ZNF697: variants seen among roughly 807,000 people sequenced by gnomAD.
ZNF697 encodes the protein zinc finger protein 697.
A neutral mutation model predicts 32.4 loss-of-function variants in ZNF697; 23 were observed. That is an observed-to-expected ratio of 0.71 (90% CI 0.51 to 1.01). The LOEUF (loss-of-function observed/expected upper bound fraction) is 1.01. Ranked by LOEUF, ZNF697 falls within the 50% of genes least tolerant of loss-of-function variation. The pLI is 0.00. For synonymous variants in ZNF697, 418 were observed against 337.2 expected (o/e 1.24, Z -2.62); for missense variants, 930 against 794.0 (o/e 1.17, Z -2.06).
chr1:119,623,806 G>C lies in ZNF697; in HGVS notation c.537C>G (p.Ser179Arg). The change falls in exon 3 of 3, where the codon AGC becomes AGG. Residue 179 changes from serine (S) to arginine (R), a missense_variant. Transcript: ENST00000421812. ...PMAVDLGELD[S>R]LVASIMDAPT... The stretch of plus-strand genomic sequence containing the variant: ...GCGCGTCCATGATGCTGGCCACCAG[G>C]CTATCCAGCTCCCCGAGGTCCACGG... 6.5e-7 allele frequency: 1 copy of C among 1,547,412 alleles called. No homozygotes were observed.
intron 1 of ZNF697, among the ~76,000 whole-genome samples, chr1:119,636,949 G>A (rs1253303069): frequency 6.6e-6 from 1 of 152,172 alleles, no homozygotes; most frequent in Non-Finnish European, 1.5e-5. Context: ...GCCTCTCTTG[G>A]ACGTATCTAA....
rs1302681495 is a variant in ZNF697, at chr1:119,647,998, C to G, written c.-345G>C. 6.6e-6 allele frequency among the ~76,000 whole-genome samples: 1 copy of G among 152,182 alleles called. No individual in the cohort carries two copies. Among genetic ancestry groups the G allele is most frequent in the Admixed American group, 6.5e-5 (1 of 15,294 alleles). On this transcript the variant is annotated 5_prime_UTR_variant, in exon 1 of 3. Transcript: ENST00000421812. ...CACTCGAACACACACCCCATCCCCG[C>G]AGCGGTCGGGTCTGGTCCCGATCAG... is the stretch of plus-strand genomic sequence containing the variant.
At position 119,624,120 on chromosome 1, in the gene ZNF697, C is replaced by A; in HGVS notation, c.227-4G>T. ...TCTTCCTCACTCAGCTGCCCCTCTG[C>A]AACAGAAAAAGGTGGCAGTGGGGGA... On this transcript the variant is annotated splice_region_variant and splice_polypyrimidine_tract_variant and intron_variant, in intron 2 of 2. Coordinates refer to ENST00000421812, the MANE Select transcript of ZNF697 (RefSeq NM_001080470.2). 6.5e-7 allele frequency: 1 copy of A among 1,549,648 alleles called. No individual in the cohort carries two copies. The highest frequency in any genetic ancestry group is 8.7e-7 in the Non-Finnish European group (1 of 1,145,880).
Position 119,623,288 on chromosome 1 carries a change from G to A in ZNF697, c.1055C>T (p.Pro352Leu), listed in dbSNP as rs905654126. 7 of 1,438,086 alleles carry A rather than the reference G, an allele frequency of 4.9e-6. No individual in the cohort carries two copies. The highest frequency in any genetic ancestry group is 6.4e-6 in the Non-Finnish European group (7 of 1,098,904). The allele number at this position is 1,438,086 out of a possible 1,614,324, so 89.1% of individuals were successfully genotyped here. A position where few individuals can be genotyped will look rare whatever the true frequency, so the allele number is the denominator to read the frequency against. Residue 352 changes from proline (P) to leucine (L), a missense_variant, in exon 3 of 3, where the codon CCC becomes CTC. Physicochemically the swap from Pro to Leu is moderately conservative, Grantham distance 98 (BLOSUM62 -3). Transcript: ENST00000421812. ...CTTGCCGCACTCCCCGCAGGCGAAG[G>A]GCCGCAGCGCCGCCGCCCCCGCGCC... ...ASGAGAAALR[P>L]FACGECGKGF...
Position 119,623,219 on chromosome 1 carries a change from T to TG in ZNF697, c.1123dup (p.His375ProfsTer60). 6.4e-7 allele frequency: 1 copy of TG among 1,572,340 alleles called. No homozygotes were observed. Among genetic ancestry groups the TG allele is most frequent in the Non-Finnish European group, 8.6e-7 (1 of 1,159,850 alleles). On this transcript the variant is annotated frameshift_variant, in exon 3 of 3. Transcript: ENST00000421812. LOFTEE classifies it high-confidence loss of function. ...ACAGCCGTGCGGCTTCTCGCCCGTG[T>TG]GGATGCGCTGGTGGTTGGCCAGGTG...
intron 1 of ZNF697, among the ~76,000 whole-genome samples, chr1:119,633,407 G>A (rs1318002405): frequency 6.6e-6 from 1 of 151,274 alleles, no homozygotes; most frequent in Non-Finnish European, 1.5e-5. Flanking sequence ...GAGAGAGAGA[G>A]AGAGAGAGAT....
rs1648262019 is a variant in ZNF697 at position 119,620,087 on chromosome 1, T to A, written c.*2618A>T. 1 of 152,578 alleles carries A rather than the reference T, an allele frequency of 6.6e-6. No individual in the cohort carries two copies. Among genetic ancestry groups the A allele is most frequent in the Admixed American group, 6.5e-5 (1 of 15,276 alleles). 9.5% of individuals were successfully genotyped at this position (152,578 alleles called of 1,614,324 possible). Reference sequence around the variant, plus strand: ...TTCCCTGAAGAATTGTAAGAAAAAATGGAATCACATTTTAAATGCACCAAT... The same window carrying A: ...TTCCCTGAAGAATTGTAAGAAAAAAAGGAATCACATTTTAAATGCACCAAT... On this transcript the variant is annotated 3_prime_UTR_variant, in exon 3 of 3. Coordinates refer to ENST00000421812, the MANE Select transcript of ZNF697 (RefSeq NM_001080470.2).
chr1:119,627,955 C>A lies in ZNF697; in HGVS notation c.-37-1818G>T, dbSNP rs116323370. ...GCTCAGACGCAATGGACAAATACAT[C>A]CCTTGAGTCTGCATATATAATACAC... On this transcript the variant is annotated intron_variant, in intron 1 of 2. Coordinates refer to ENST00000421812, the MANE Select transcript of ZNF697 (RefSeq NM_001080470.2). Among the ~76,000 whole-genome samples the A allele has an allele frequency of 4.0e-3, 610 of 151,874 alleles. 4 individuals carry two copies. Among genetic ancestry groups the A allele is most frequent in the African/African-American group, 0.013 (555 of 41,366 alleles).
At chr1:119,626,391 T>C (rs993406818) in intron 1 of ZNF697, among the ~76,000 whole-genome samples, 1 of 152,226 alleles carries the variant, frequency 6.6e-6, no homozygotes, top group African/African-American at 2.4e-5. Context: ...CTTCTGGCTA[T>C]GATATGGATG....
In ZNF697 at chr1:119,647,933, A is replaced by G. The variant is rs1649260136; in HGVS notation, c.-280T>C. Among the ~76,000 whole-genome samples, 1 of 152,164 alleles carries G rather than the reference A, an allele frequency of 6.6e-6. No homozygotes were observed. The highest frequency in any genetic ancestry group is 1.5e-5 in the Non-Finnish European group (1 of 68,014). On this transcript the variant is annotated 5_prime_UTR_variant, in exon 1 of 3. Coordinates refer to ENST00000421812, the MANE Select transcript of ZNF697 (RefSeq NM_001080470.2). Reference sequence around the variant, plus strand: ...GCCCCAGGGGAGCGGACAACGGTCCACTTTACGAGGCACAACTTCGCCCAG... The same window carrying G: ...GCCCCAGGGGAGCGGACAACGGTCCGCTTTACGAGGCACAACTTCGCCCAG...
chr1:119,639,715 C>CA (rs779242670), intron 1 of ZNF697, among the ~76,000 whole-genome samples: 34,339 of 110,292 alleles, frequency 0.31, 4,352 homozygotes, highest in South Asian at 0.36. Flanking sequence ...CCTGTCTCTC[C>CA]AAAAAAAAAA....
chr1:119,621,219 C>T lies in ZNF697; in HGVS notation c.*1486G>A, dbSNP rs1461792225. 1 of 152,176 alleles carries T rather than the reference C, an allele frequency of 6.6e-6. No homozygotes were observed. The highest frequency in any genetic ancestry group is 1.5e-5 in the Non-Finnish European group (1 of 68,018). The allele number at this position is 152,176 out of a possible 1,614,324, so 9.4% of individuals were successfully genotyped here. On this transcript the variant is annotated 3_prime_UTR_variant, in exon 3 of 3. Coordinates refer to ENST00000421812, the MANE Select transcript of ZNF697 (RefSeq NM_001080470.2). ...GTGTCCTTAATTTTATTATATAAAT[C>T]ATGACAAGTAAGTCTTCCTAGCAGC...
chr1:119,635,182 T>C (rs1648887301), intron 1 of ZNF697, among the ~76,000 whole-genome samples: 1 of 152,202 alleles, frequency 6.6e-6, no homozygotes, highest in South Asian at 2.1e-4. Flanking sequence ...TTTTGGGTTA[T>C]TTATGTTCAT....
chr1:119,638,015 G>A (rs1027332839), intron 1 of ZNF697, among the ~76,000 whole-genome samples: 11 of 152,090 alleles, frequency 7.2e-5, no homozygotes, highest in Non-Finnish European at 1.2e-4. Context: ...GGAAGACCAT[G>A]AAGCCTCAAT....
rs1183690483 is a variant in ZNF697, at chr1:119,620,513, G to C, written c.*2192C>G. The stretch of plus-strand genomic sequence containing the variant: ...ACCCACAAAGCAGTAAGATTACCTA[G>C]AAATTGGCTATATTATTTTCAGGTG... On this transcript the variant is annotated 3_prime_UTR_variant, in exon 3 of 3. Coordinates refer to ENST00000421812, the MANE Select transcript of ZNF697 (RefSeq NM_001080470.2). 2 of 152,614 alleles carry C rather than the reference G, an allele frequency of 1.3e-5. No individual in the cohort carries two copies. The highest frequency in any genetic ancestry group is 1.3e-4 in the Admixed American group (2 of 15,278). The allele number at this position is 152,614 out of a possible 1,614,324, so 9.5% of individuals were successfully genotyped here.
rs1648274429 is a variant in ZNF697, at chr1:119,620,417, G to T, written c.*2288C>A. On this transcript the variant is annotated 3_prime_UTR_variant, in exon 3 of 3. Transcript: ENST00000421812. ...TCAATCCATGAATAATCAAAAGTTG[G>T]ATGAGATTTCATAGGCACAGACTTG... 1 of 152,596 alleles carries T rather than the reference G, an allele frequency of 6.6e-6. No individual in the cohort carries two copies. The highest frequency in any genetic ancestry group is 2.4e-5 in the African/African-American group (1 of 41,428). 9.5% of individuals were successfully genotyped at this position (152,596 alleles called of 1,614,324 possible). A position where few individuals can be genotyped will look rare whatever the true frequency, so the allele number is the denominator to read the frequency against.
In ZNF697 at chr1:119,621,745, G is replaced by C. The variant is rs985414141; in HGVS notation, c.*960C>G. Reference sequence around the variant, plus strand: ...TAAAGGCCAGCAAAACTCTGAGCTAGTTGACTTTTTAGCAGGTCACTGGGC... The same window carrying C: ...TAAAGGCCAGCAAAACTCTGAGCTACTTGACTTTTTAGCAGGTCACTGGGC... On this transcript the variant is annotated 3_prime_UTR_variant, in exon 3 of 3. Transcript: ENST00000421812. The C allele has an allele frequency of 6.6e-6, 1 of 152,224 alleles. No homozygotes were observed. Among genetic ancestry groups the C allele is most frequent in the African/African-American group, 2.4e-5 (1 of 41,456 alleles). 9.4% of individuals were successfully genotyped at this position (152,224 alleles called of 1,614,324 possible). A position where few individuals can be genotyped will look rare whatever the true frequency, so the allele number is the denominator to read the frequency against.
At chr1:119,625,093 G>A (rs773515734) in intron 2 of ZNF697, among the ~76,000 whole-genome samples, 1 of 151,908 alleles carries the variant, frequency 6.6e-6, no homozygotes, top group Non-Finnish European at 1.5e-5. Context: ...CTCTGGCTGC[G>A]TATCCCCAAG....
intron 1 of ZNF697, among the ~76,000 whole-genome samples, chr1:119,637,415 A>G (rs1648953108): frequency 6.6e-6 from 1 of 152,240 alleles, no homozygotes; most frequent in South Asian, 2.1e-4. Context: ...CACTCCAAGT[A>G]CATTTTGCTG....
Sources: gnomAD v4.1 joint callset for allele counts (sites outside exome capture counted in the v4.1 genomes callset) on GRCh38, gnomAD v4.1.1 for gene constraint, MANE v1.5 for transcripts, NCBI Gene and HGNC (gene_info 2026-07-23, HGNC 2026-07-21) for gene names.